The following DPP9 variants were observed in gnomAD, a reference collection of about 807,000 sequenced individuals.
DPP9 encodes the protein dipeptidyl peptidase IV-related protein-2.
A neutral mutation model predicts 110.7 loss-of-function variants in DPP9; 50 were observed. The ratio of observed to expected loss-of-function variants is 0.45; its 90% CI spans 0.36 to 0.57. The LOEUF (loss-of-function observed/expected upper bound fraction) is 0.57, where lower values mean the gene tolerates loss of function less well. DPP9 is among the 20% of genes least tolerant of loss of function. The probability of loss-of-function intolerance (pLI) is 0.00; values close to 1 mark genes in which losing one functional copy is unlikely to be tolerated. For synonymous variants in DPP9, 561 were observed against 514.4 expected (o/e 1.09, Z -1.23); for missense variants, 1,022 against 1,217.9 (o/e 0.84, Z 2.39).
In DPP9 at chr19:4,682,865, G is replaced by A. The variant is rs755877916; in HGVS notation, c.2332-27C>T. 4 of 1,566,900 alleles carry A rather than the reference G, an allele frequency of 2.6e-6. No individual in the cohort carries two copies. Among genetic ancestry groups the A allele is most frequent in the East Asian group, 2.4e-5 (1 of 42,154 alleles). On this transcript the variant is annotated intron_variant, in intron 19 of 21. Coordinates refer to ENST00000262960, the MANE Select transcript of DPP9 (RefSeq NM_139159.5). This position sits in a 1 kb window ranked among gnomAD's most constrained non-coding sequence, Gnocchi z 7.1. ...TGAGGGACACAGCAGACAGATGGGG[G>A]CAGAGAGAGAGAGAGAAACAGGCGT...
chr19:4,683,458 G>A lies in DPP9; in HGVS notation c.2331+19C>T, dbSNP rs771391760. The stretch of plus-strand genomic sequence containing the variant: ...GGCAGGGAGGGGCGTGGCTGAGGCC[G>A]GCCAGGGGTGGGACCCACCTTGAAC... On this transcript the variant is annotated intron_variant, in intron 19 of 21. Coordinates refer to ENST00000262960, the MANE Select transcript of DPP9 (RefSeq NM_139159.5). The A allele has an allele frequency of 9.3e-6, 15 of 1,612,264 alleles. No individual in the cohort carries two copies. The highest frequency in any genetic ancestry group is 1.7e-5 in the Admixed American group (1 of 59,982).
chr19:4,694,938 A>G lies in DPP9; in HGVS notation c.1354-115T>C. ...TGGGGCAGGAGACTTGCTTGAGCCCAGGAATTTCAGAGACCAGCCTGGACA... is the reference window on the plus strand; with the variant it reads ...TGGGGCAGGAGACTTGCTTGAGCCCGGGAATTTCAGAGACCAGCCTGGACA... On this transcript the variant is annotated intron_variant, in intron 12 of 21. Coordinates refer to ENST00000262960, the MANE Select transcript of DPP9 (RefSeq NM_139159.5). The surrounding 1 kb of genome is among the most constrained non-coding windows in gnomAD (Gnocchi z 4.0). 1 of 1,013,244 alleles carries G rather than the reference A, an allele frequency of 9.9e-7. No individual in the cohort carries two copies. 62.8% of individuals were successfully genotyped at this position (1,013,244 alleles called of 1,614,324 possible).
chr19:4,690,794 T>C, intron 14 of DPP9, 84 bp downstream of exon 14: 3 of 1,021,868 alleles, frequency 2.9e-6, no homozygotes, highest in Non-Finnish European at 3.0e-6. Context: ...TATGTGTGTG[T>C]ATGCGCGTGC....
chr19:4,722,539 G>A lies in DPP9; in HGVS notation c.-76C>T, dbSNP rs759113801. ...GAGAGCCTCCATTCCAGCTGCAGGC[G>A]TGGGACACAGACCTTTATAGGATAA... On this transcript the variant is annotated 5_prime_UTR_variant, in exon 2 of 22. The change creates a new upstream start codon in the 5' untranslated region. Coordinates refer to ENST00000262960, the MANE Select transcript of DPP9 (RefSeq NM_139159.5). The A allele has an allele frequency of 6.1e-5, 43 of 702,954 alleles. No homozygotes were observed. The East Asian group carries it at 7.0e-4, about 11-fold the overall frequency. 43.5% of individuals were successfully genotyped at this position (702,954 alleles called of 1,614,324 possible).
intron 18 of DPP9, 172 bp from the exon 19 acceptor site, chr19:4,683,801 T>C (rs2145391773): frequency 4.5e-6 from 7 of 1,541,424 alleles, no homozygotes; most frequent in South Asian, 1.2e-5. Flanking sequence ...TGGGGATGGC[T>C]GGACAGATCC....
chr19:4,689,772 C>T lies in DPP9; in HGVS notation c.1597-50G>A. 6.6e-7 allele frequency: 1 copy of T among 1,511,016 alleles called. No homozygotes were observed. The highest frequency in any genetic ancestry group is 8.9e-7 in the Non-Finnish European group (1 of 1,122,636). The allele number at this position is 1,511,016 out of a possible 1,614,324, so 93.6% of individuals were successfully genotyped here. A position where few individuals can be genotyped will look rare whatever the true frequency, so the allele number is the denominator to read the frequency against. Reference sequence around the variant, plus strand: ...TGATGCGTCCCAGATGCCCCTGGGCCCACACCCCTCTCCACGCCCCACAGG... The same window carrying T: ...TGATGCGTCCCAGATGCCCCTGGGCTCACACCCCTCTCCACGCCCCACAGG... On this transcript the variant is annotated intron_variant, in intron 14 of 21. Coordinates refer to ENST00000262960, the MANE Select transcript of DPP9 (RefSeq NM_139159.5). The surrounding 1 kb of genome is among the most constrained non-coding windows in gnomAD (Gnocchi z 7.0).
chr19:4,694,538 T>A lies in DPP9; in HGVS notation c.1516+123A>T. The A allele has an allele frequency of 7.8e-7, 1 of 1,276,760 alleles. No homozygotes were observed. Among genetic ancestry groups the A allele is most frequent in the Non-Finnish European group, 1.1e-6 (1 of 927,946 alleles). 79.1% of individuals were successfully genotyped at this position (1,276,760 alleles called of 1,614,324 possible). A position where few individuals can be genotyped will look rare whatever the true frequency, so the allele number is the denominator to read the frequency against. Reference sequence around the variant, plus strand: ...CTGGGGAAGGCTGGCTTCCTGCCGATCCCTGTTCCTTCTCCCGCAGGGTGT... The same window carrying A: ...CTGGGGAAGGCTGGCTTCCTGCCGAACCCTGTTCCTTCTCCCGCAGGGTGT... On this transcript the variant is annotated intron_variant, in intron 13 of 21. Transcript: ENST00000262960. The surrounding 1 kb of genome is among the most constrained non-coding windows in gnomAD (Gnocchi z 4.0).
chr19:4,701,157 T>C (rs897842209), intron 9 of DPP9, among the ~76,000 whole-genome samples: 1 of 152,170 alleles, frequency 6.6e-6, no homozygotes, highest in African/African-American at 2.4e-5. Context: ...TATTTTTAAA[T>C]AATTGGAAAG....
At chr19:4,709,642 A>G (rs2092740851) in intron 4 of DPP9, among the ~76,000 whole-genome samples, 1 of 152,012 alleles carries the variant, frequency 6.6e-6, no homozygotes, top group African/African-American at 2.4e-5. Flanking sequence ...GGGGCTTGGG[A>G]GTGATGGTTG....
chr19:4,677,354 A>G (rs1352044662), intron 21 of DPP9, among the ~76,000 whole-genome samples: 1 of 152,098 alleles, frequency 6.6e-6, no homozygotes, highest in Non-Finnish European at 1.5e-5. Context: ...AGGCATGAAA[A>G]TAACCCTACG....
At chr19:4,683,201 C>T (rs577034312) in intron 19 of DPP9, 4 of 1,427,344 alleles carry the variant, frequency 2.8e-6, no homozygotes, top group African/African-American at 1.4e-5. Flanking sequence ...TCTGCCCATC[C>T]GAGGCCGGGG....
At chr19:4,678,927 C>T (rs1386367718) in intron 21 of DPP9, among the ~76,000 whole-genome samples, 1 of 152,072 alleles carries the variant, frequency 6.6e-6, no homozygotes, top group Admixed American at 6.6e-5. Flanking sequence ...AAATGTGGGT[C>T]AAATGGCAAG....
rs2092803862 is a variant in DPP9, at chr19:4,710,974, C to T, written c.313+3107G>A. On this transcript the variant is annotated intron_variant, in intron 4 of 21. Coordinates refer to ENST00000262960, the MANE Select transcript of DPP9 (RefSeq NM_139159.5). This position sits in a 1 kb window ranked among gnomAD's most constrained non-coding sequence, Gnocchi z 5.6. ...AGACACACACACGAGCCACAGGCGACCCGACGATCTCATCTATGCGGAGTC... is the reference window on the plus strand; with the variant it reads ...AGACACACACACGAGCCACAGGCGATCCGACGATCTCATCTATGCGGAGTC... Among the ~76,000 whole-genome samples, 2 of 152,234 alleles carry T rather than the reference C, an allele frequency of 1.3e-5. No individual in the cohort carries two copies. Among genetic ancestry groups the T allele is most frequent in the Admixed American group, 1.3e-4 (2 of 15,286 alleles).
At chr19:4,723,420 A>C (rs1368753785) in intron 1 of DPP9, among the ~76,000 whole-genome samples, 1 of 152,136 alleles carries the variant, frequency 6.6e-6, no homozygotes, top group Non-Finnish European at 1.5e-5. Context: ...GGGGAAGCCC[A>C]TCAGGGAAGG....
intron 5 of DPP9, among the ~76,000 whole-genome samples, chr19:4,705,204 AATGTT>A (rs1360461064): frequency 1.3e-5 from 2 of 152,114 alleles, no homozygotes; most frequent in East Asian, 1.9e-4. Context: ...ACTATGTTAT[AATGTT>A]ATGTTATTTT....
intron 21 of DPP9, 61 bp downstream of exon 21, chr19:4,679,774 C>A (rs1166785097): frequency 7.5e-7 from 1 of 1,326,814 alleles, no homozygotes; most frequent in Non-Finnish European, 1.1e-6. Context: ...CCTCGTCCCA[C>A]CCCCCACTCC....
Position 4,714,094 on chromosome 19 carries a change from G to A in DPP9, c.300C>T (p.Arg100=). The A allele has an allele frequency of 6.2e-7, 1 of 1,610,682 alleles. No individual in the cohort carries two copies. The highest frequency in any genetic ancestry group is 8.5e-7 in the Non-Finnish European group (1 of 1,177,804). ...KTDESGPHSH[R]LYYLGMPYGS... is the part of the protein sequence containing the mutation. ...GGCCCGGCTTACCCAGGTAGTAGAG[G>A]CGGTGGGAGTGGGGCCCAGACTCAT... The change falls in exon 4 of 22, where the codon CGC becomes CGT. Residue 100 remains arginine (R), a synonymous_variant. Transcript: ENST00000262960.
rs1223037042 is a variant in DPP9 at position 4,685,689 on chromosome 19, C to G, written c.1968G>C (p.Lys656Asn). ...TCTTCCCTGGCTGCAAGGCGTGGGG[C>G]TTGTAGATCATGCCGTAGAGCCGCA... ...SDVRLYGMIY[K>N]PHALQPGKKH... The change falls in exon 17 of 22, where the codon AAG becomes AAC. Residue 656 changes from lysine to asparagine, a missense_variant. Coordinates refer to ENST00000262960, the MANE Select transcript of DPP9 (RefSeq NM_139159.5). The surrounding 1 kb of genome is among the most constrained non-coding windows in gnomAD (Gnocchi z 5.8). The G allele has an allele frequency of 6.2e-7, 1 of 1,613,344 alleles. No homozygotes were observed. Among genetic ancestry groups the G allele is most frequent in the Non-Finnish European group, 8.5e-7 (1 of 1,179,762 alleles).
At chr19:4,701,706 G>A (rs1171647126) in intron 9 of DPP9, among the ~76,000 whole-genome samples, 1 of 152,234 alleles carries the variant, frequency 6.6e-6, no homozygotes, top group Non-Finnish European at 1.5e-5. Flanking sequence ...ATTCCTGCAC[G>A]TGCCACTTCT....
Sources: gnomAD v4.1 joint callset for allele counts (sites outside exome capture counted in the v4.1 genomes callset) on GRCh38, gnomAD v4.1.1 for gene constraint, Gnocchi (gnomAD v3.1) non-coding constraint, MANE v1.5 for transcripts, NCBI Gene and HGNC (gene_info 2026-07-23, HGNC 2026-07-21) for gene names.